TBCCD1: variants seen among roughly 807,000 people sequenced by gnomAD.
TBCCD1 encodes the protein TBCC domain-containing protein 1.
Under a neutral mutation model 53.4 loss-of-function variants are expected in TBCCD1, and 26 were observed. The ratio of observed to expected loss-of-function variants is 0.49; its 90% CI spans 0.36 to 0.68. The LOEUF is 0.68. Among genes scored for constraint, TBCCD1 ranks in the 30% least tolerant of loss-of-function variants. The pLI is 0.00. For synonymous variants in TBCCD1, 245 were observed against 241.7 expected (o/e 1.01, Z -0.13); for missense variants, 558 against 669.5 (o/e 0.83, Z 1.84).
At position 186,554,990 on chromosome 3, in the gene TBCCD1, C is replaced by G. The variant is rs141546321; in HGVS notation, c.954G>C (p.Gln318His). Residue 318 changes from glutamine (Q) to histidine (H), a missense_variant, in exon 5 of 8, where the codon CAG (glutamine) becomes CAC (histidine). Transcript: ENST00000338733. ...RLVVMSQVYK[Q>H]TLAKSSDTLA... ...GAGTGTCTGAGCTCTTAGCCAGTGT[C>G]TGCTTGTAAACCTGGCTCATCACTA... is the stretch of plus-strand genomic sequence containing the variant. The G allele has an allele frequency of 6.2e-7, 1 of 1,613,916 alleles. No homozygotes were observed. The highest frequency in any genetic ancestry group is 1.3e-5 in the African/African-American group (1 of 74,922).
intron 2 of TBCCD1, 132 bp from the exon 3 acceptor site, chr3:186,558,704 T>C: frequency 1.2e-6 from 1 of 867,222 alleles, no homozygotes; most frequent in Non-Finnish European, 1.7e-6. Flanking sequence ...TTGCCAGTTT[T>C]GATATGTATG....
In TBCCD1 at chr3:186,554,729, T is replaced by C. The variant is rs754104483; in HGVS notation, c.1069A>G (p.Arg357Gly). The change falls in exon 6 of 8, where the codon AGG becomes GGG. Residue 357 changes from arginine (R) to glycine (G), a missense_variant. Arg to Gly is a moderately radical substitution (Grantham distance 125, BLOSUM62 -2). Transcript: ENST00000338733. ...PLRSVTIEKCRNSIFVLGPVG... is the reference protein window; with the variant it reads ...PLRSVTIEKCGNSIFVLGPVG... ...GGGCCCAAGACAAAGATGCTATTCCTGCACTTCTCAATTGTCACAGATCTG... is the reference window on the plus strand; with the variant it reads ...GGGCCCAAGACAAAGATGCTATTCCCGCACTTCTCAATTGTCACAGATCTG... 2.9e-5 allele frequency: 46 copies of C among 1,613,646 alleles called. No homozygotes were observed. Among genetic ancestry groups the C allele is most frequent in the Non-Finnish European group, 3.4e-5 (40 of 1,179,924 alleles).
chr3:186,552,310 C>T (rs1165001609), intron 6 of TBCCD1, among the ~76,000 whole-genome samples: 1 of 152,158 alleles, frequency 6.6e-6, no homozygotes, highest in Non-Finnish European at 1.5e-5. Context: ...GCTAGCCTAG[C>T]ACTGTCAGCT....
At chr3:186,562,800 T>C (rs1212860271) in intron 2 of TBCCD1, among the ~76,000 whole-genome samples, 1 of 152,174 alleles carries the variant, frequency 6.6e-6, no homozygotes, top group East Asian at 1.9e-4. Flanking sequence ...AGCATATACT[T>C]ATCCCCAAAC....
intron 2 of TBCCD1, among the ~76,000 whole-genome samples, chr3:186,563,197 T>C (rs553715185): frequency 4.7e-4 from 71 of 152,354 alleles, no homozygotes; most frequent in Admixed American, 3.4e-3. Flanking sequence ...GATTGCTGCC[T>C]GAATGAGAAA....
chr3:186,566,013 T>C (rs1384940829), intron 1 of TBCCD1, among the ~76,000 whole-genome samples: 30 of 152,160 alleles, frequency 2.0e-4, no homozygotes. Context: ...ATATTTTGCA[T>C]TTGATTCTAA....
In TBCCD1 at chr3:186,556,657, A is replaced by G. The variant is rs915517594; in HGVS notation, c.611T>C (p.Val204Ala). 3.1e-5 allele frequency: 50 copies of G among 1,614,206 alleles called. No homozygotes were observed. The highest frequency in any genetic ancestry group is 4.2e-5 in the Non-Finnish European group (49 of 1,180,042). Residue 204 changes from valine (V) to alanine (A), a missense_variant, in exon 4 of 8, where the codon GTG (valine) becomes GCG (alanine). By Grantham distance (64) the Val-to-Ala change is moderately conservative. Transcript: ENST00000338733. ...ASFHSTHSSLVSREAVVALSF... is the reference protein window; with the variant it reads ...ASFHSTHSSLASREAVVALSF... ...GAGCGCCACAACAGCTTCTCGAGAC[A>G]CTAGACTACTATGGGTTGAATGAAA...
At chr3:186,557,213 A>G (rs986708804) in intron 3 of TBCCD1, among the ~76,000 whole-genome samples, 3 of 152,368 alleles carry the variant, frequency 2.0e-5, no homozygotes, top group Non-Finnish European at 1.5e-5. Context: ...ACTATGCAAT[A>G]AGTCCCATGC....
chr3:186,548,696 G>C (rs60083169), intron 7 of TBCCD1, among the ~76,000 whole-genome samples: 3,269 of 152,082 alleles, frequency 0.021, 115 homozygotes, highest in African/African-American at 0.075. Flanking sequence ...GGTGTTTCTA[G>C]TCCACAGTTT....
rs1714491249 is a variant in TBCCD1, at chr3:186,554,956, C to A, written c.988G>T (p.Ala330Ser). 2.5e-6 allele frequency: 4 copies of A among 1,613,828 alleles called. No homozygotes were observed. The highest frequency in any genetic ancestry group is 2.5e-6 in the Non-Finnish European group (3 of 1,180,012). Residue 330 changes from alanine (A) to serine (S), a missense_variant, in exon 5 of 8, where the codon GCA becomes TCA. By Grantham distance (99) the Ala-to-Ser change is moderately conservative. Coordinates refer to ENST00000338733, the MANE Select transcript of TBCCD1 (RefSeq NM_018138.5). Reference sequence around the variant, plus strand: ...TTGCAACGATGAATCTTTACATGTGCCCCCGCCAGAGTGTCTGAGCTCTTA... The same window carrying A: ...TTGCAACGATGAATCTTTACATGTGACCCCGCCAGAGTGTCTGAGCTCTTA... Reference protein sequence around the residue: ...LAKSSDTLAGAHVKIHRCNES... With the variant: ...LAKSSDTLAGSHVKIHRCNES...
intron 2 of TBCCD1, among the ~76,000 whole-genome samples, chr3:186,562,628 A>G (rs1714719296): frequency 6.6e-6 from 1 of 152,140 alleles, no homozygotes; most frequent in Non-Finnish European, 1.5e-5. Context: ...CCGCCTAGAG[A>G]TAACAATTAC....
chr3:186,549,154 G>C (rs1714296276), intron 7 of TBCCD1, among the ~76,000 whole-genome samples: 1 of 152,026 alleles, frequency 6.6e-6, no homozygotes. Flanking sequence ...CGGGTGCGGT[G>C]GCCGGTTCCT....
chr3:186,569,305 A>AT (rs1218940824), upstream of TBCCD1, among the ~76,000 whole-genome samples: 1 of 84,216 alleles, frequency 1.2e-5, no homozygotes, highest in East Asian at 2.7e-4. Flanking sequence ...TTTGACTTTT[A>AT]TTTTTTATTT....
chr3:186,563,700 A>C (rs1191839279), intron 2 of TBCCD1, among the ~76,000 whole-genome samples: 1 of 152,218 alleles, frequency 6.6e-6, no homozygotes, highest in African/African-American at 2.4e-5. Flanking sequence ...CTAAAACTCA[A>C]ATGATAACTT....
chr3:186,562,340 G>A (rs771510601), intron 2 of TBCCD1, among the ~76,000 whole-genome samples: 1 of 152,176 alleles, frequency 6.6e-6, no homozygotes, highest in Non-Finnish European at 1.5e-5. Context: ...GTGAGATCCT[G>A]TCTCTTAAAA....
chr3:186,553,685 T>C (rs1714441517), intron 6 of TBCCD1: 1 of 158,296 alleles, frequency 6.3e-6, no homozygotes, highest in Admixed American at 6.5e-5. Context: ...TGTGGCATAC[T>C]CTATGTATGA....
At chr3:186,568,322 A>T (rs1212117511), upstream of TBCCD1, among the ~76,000 whole-genome samples, 7 of 152,192 alleles carry the variant, frequency 4.6e-5, no homozygotes, top group Admixed American at 4.6e-4. Flanking sequence ...CATATTAAGG[A>T]ATAAAATAAG....
chr3:186,562,908 T>C (rs1170752021), intron 2 of TBCCD1, among the ~76,000 whole-genome samples: 1 of 152,236 alleles, frequency 6.6e-6, no homozygotes, highest in Non-Finnish European at 1.5e-5. Flanking sequence ...ATGGGAATGA[T>C]CTACACAGAA....
At chr3:186,549,222 C>T (rs144715027) in intron 7 of TBCCD1, among the ~76,000 whole-genome samples, 3 of 152,084 alleles carry the variant, frequency 2.0e-5, no homozygotes, top group Middle Eastern at 3.4e-3. Flanking sequence ...TGGGAAGTGA[C>T]GGTTGCAGTG....
Sources: allele counts gnomAD v4.1 joint callset (sites outside exome capture counted in the v4.1 genomes callset), GRCh38; gene constraint gnomAD v4.1.1; transcripts MANE v1.5; gene names NCBI Gene and HGNC (gene_info 2026-07-23, HGNC 2026-07-21).